The following ASMTL variants were observed in gnomAD, a reference collection of about 807,000 sequenced individuals.
The protein encoded by ASMTL is probable bifunctional dTTP/UTP pyrophosphatase/methyltransferase protein.
ASMTL carries 57 observed loss-of-function variants against 60.3 expected under a neutral mutation model. The observed-to-expected ratio is 0.95, with a 90% confidence interval of 0.76 to 1.18. ASMTL has a LOEUF of 1.18. Among genes scored for constraint, ASMTL ranks in the 50% most tolerant of loss-of-function variants. ASMTL has a pLI of 0.00. For synonymous variants in ASMTL, 419 were observed against 373.0 expected (o/e 1.12, Z -1.42); for missense variants, 981 against 852.6 (o/e 1.15, Z -1.88).
At chrX:1,425,721 T>C (rs759434316) in intron 7 of ASMTL, 34 bp from the exon 8 acceptor site, 7 of 1,603,866 alleles carry the variant, frequency 4.4e-6, no homozygotes, top group Non-Finnish European at 6.0e-6. Flanking sequence ...ACTCATTAAG[T>C]CCCTTGTCCA....
chrX:1,435,791 C>G, intron 3 of ASMTL, 33 bp from the exon 4 acceptor site: 1 of 1,600,296 alleles, frequency 6.2e-7, no homozygotes, highest in Non-Finnish European at 8.6e-7. Context: ...GAGTTGGTTC[C>G]CACCGGCTGG....
intron 1 of ASMTL, among the ~76,000 whole-genome samples, chrX:1,443,373 C>T (rs2091159106): frequency 2.1e-5 from 1 of 48,730 alleles, no homozygotes; most frequent in African/African-American, 3.9e-5. Flanking sequence ...ACACACACCA[C>T]CATCATGGAC....
intron 6 of ASMTL, among the ~76,000 whole-genome samples, chrX:1,431,628 T>C (rs1281318843): frequency 6.9e-6 from 1 of 145,108 alleles, no homozygotes; most frequent in Middle Eastern, 3.4e-3. Context: ...TACAATATAT[T>C]ATAAATATAT....
chrX:1,442,411 G>T, intron 1 of ASMTL, 94 bp from the exon 2 acceptor site: 1 of 1,430,704 alleles, frequency 7.0e-7, no homozygotes, highest in Non-Finnish European at 9.7e-7. Flanking sequence ...CATAGCGTTT[G>T]CTACACTCCC....
intron 9 of ASMTL, among the ~76,000 whole-genome samples, chrX:1,420,508 A>G (rs1424666019): frequency 2.6e-5 from 4 of 152,156 alleles, no homozygotes; most frequent in Non-Finnish European, 5.9e-5. Context: ...AAGCTCGGCC[A>G]GCGCTGCCAA....
rs1167112184 is a variant in ASMTL, at chrX:1,452,883, G to A, written c.-43C>T. The A allele has an allele frequency of 4.2e-6, 6 of 1,430,920 alleles. No individual in the cohort carries two copies. The highest frequency in any genetic ancestry group is 2.4e-5 in the Admixed American group (1 of 42,088). The allele number at this position is 1,430,920 out of a possible 1,614,324, so 88.6% of individuals were successfully genotyped here. On this transcript the variant is annotated 5_prime_UTR_variant, in exon 1 of 13. Coordinates refer to ENST00000381317, the MANE Select transcript of ASMTL (RefSeq NM_004192.4). ...CCGGGCGTCCGCACTTCTGAGCCCG[G>A]AGCCCGCGGTGCGCGCAGCGCGGCT...
chrX:1,434,002 G>T (rs1171693351), intron 5 of ASMTL, among the ~76,000 whole-genome samples: 1 of 152,170 alleles, frequency 6.6e-6, no homozygotes. Context: ...CAGGGATATG[G>T]GGCTGGGATT....
chrX:1,438,417 C>G (rs1285710139), intron 3 of ASMTL, among the ~76,000 whole-genome samples: 5 of 152,230 alleles, frequency 3.3e-5, no homozygotes, highest in African/African-American at 9.6e-5. Context: ...CCTCTAGGAG[C>G]TGGAGAAAGA....
chrX:1,430,595 A>AC (rs2090743264), intron 6 of ASMTL, among the ~76,000 whole-genome samples: 1 of 151,698 alleles, frequency 6.6e-6, no homozygotes, highest in African/African-American at 2.4e-5. Context: ...ACATAGTGAG[A>AC]CCCCATTGCT....
At chrX:1,433,389 C>T (rs370008611) in intron 5 of ASMTL, among the ~76,000 whole-genome samples, 58 of 145,010 alleles carry the variant, frequency 4.0e-4, no homozygotes, top group African/African-American at 1.2e-3. Flanking sequence ...GAAGGGACCG[C>T]GCGCGGTGGC....
chrX:1,411,308 A>G (rs1163173647), intron 12 of ASMTL, among the ~76,000 whole-genome samples: 1 of 152,230 alleles, frequency 6.6e-6, no homozygotes, highest in Non-Finnish European at 1.5e-5. Context: ...CGCAGGTGCC[A>G]GGCCCTGGCT....
intron 1 of ASMTL, among the ~76,000 whole-genome samples, chrX:1,449,110 A>G (rs2091293997): frequency 6.6e-6 from 1 of 152,154 alleles, no homozygotes; most frequent in Non-Finnish European, 1.5e-5. Context: ...CGAGCCTGCG[A>G]TAAGATTCCC....
intron 10 of ASMTL, among the ~76,000 whole-genome samples, chrX:1,418,542 G>A (rs1489830360): frequency 6.6e-6 from 1 of 152,068 alleles, no homozygotes; most frequent in African/African-American, 2.4e-5. Context: ...CAGCCACTCT[G>A]GACCACAAGG....
Position 1,427,882 on chromosome X carries a change from TGAGTGGGCTCCGAGCC to T in ASMTL, c.733_748del (p.Gly245ArgfsTer42). 1 of 1,613,244 alleles carries T rather than the reference TGAGTGGGCTCCGAGCC, an allele frequency of 6.2e-7. No individual in the cohort carries two copies. Among genetic ancestry groups the T allele is most frequent in the Non-Finnish European group, 8.5e-7 (1 of 1,179,828 alleles). ...CTCATCGCGGCTGCCCGCGTCCCTC[TGAGTGGGCTCCGAGCC>T]GCCCCCCTCCACGTCACTGAGGTCT... On this transcript the variant is annotated frameshift_variant, in exon 7 of 13. Transcript: ENST00000381317. LOFTEE classifies it high-confidence loss of function.
chrX:1,423,205 G>C (rs1188069091), intron 8 of ASMTL, among the ~76,000 whole-genome samples: 1 of 152,132 alleles, frequency 6.6e-6, no homozygotes, highest in Admixed American at 6.5e-5. Flanking sequence ...GCCTGCCTTG[G>C]CCTCCCCAAG....
rs191721150 is a variant in ASMTL at position 1,412,912 on chromosome X, G to A, written c.1523-58C>T. On this transcript the variant is annotated intron_variant, in intron 11 of 12. Coordinates refer to ENST00000381317, the MANE Select transcript of ASMTL (RefSeq NM_004192.4). ...AGGTATGGAAGAAGCAGTCCTCCCCGGACAGATCCTGGGACGGCCACCCGC... is the reference window on the plus strand; with the variant it reads ...AGGTATGGAAGAAGCAGTCCTCCCCAGACAGATCCTGGGACGGCCACCCGC... 2.9e-4 allele frequency: 466 copies of A among 1,600,706 alleles called. 2 individuals are homozygous for A. In the African/African-American group the frequency reaches 5.4e-3, roughly 18 times the overall value.
intron 11 of ASMTL, 52 bp downstream of exon 11, chrX:1,417,919 AAG>A: frequency 6.4e-7 from 1 of 1,555,846 alleles, no homozygotes; most frequent in Non-Finnish European, 8.7e-7. Flanking sequence ...TCTGTCTAGA[AAG>A]AGATGCTGCA....
Position 1,404,650 on chromosome X carries a change from AGATG to A in ASMTL, c.1646-1165_1646-1162del, listed in dbSNP as rs1357149365. Among the ~76,000 whole-genome samples the A allele has an allele frequency of 3.6e-3, 530 of 147,110 alleles. 6 individuals carry two copies. The highest frequency in any genetic ancestry group is 0.013 in the African/African-American group (490 of 39,190). On this transcript the variant is annotated intron_variant, in intron 12 of 12. Transcript: ENST00000381317. ...GGACGGATAGATGGATGCATGGATG[AGATG>A]GATGGATGGGTGAATAGATGGTAGA...
At chrX:1,444,357 C>A (rs745552370) in intron 1 of ASMTL, among the ~76,000 whole-genome samples, 1 of 151,808 alleles carries the variant, frequency 6.6e-6, no homozygotes, top group Admixed American at 6.6e-5. Flanking sequence ...TGCAGGTGGG[C>A]GCCACCACAC....
Sources: allele counts gnomAD v4.1 joint callset (sites outside exome capture counted in the v4.1 genomes callset), GRCh38; gene constraint gnomAD v4.1.1; transcripts MANE v1.5; gene names NCBI Gene and HGNC (gene_info 2026-07-23, HGNC 2026-07-21).